ERC1: variants seen among roughly 807,000 people sequenced by gnomAD.
ERC1 encodes the protein ELKS/RAB6-interacting/CAST family member 1.
A neutral mutation model predicts 132.0 loss-of-function variants in ERC1; 56 were observed. The ratio of observed to expected loss-of-function variants is 0.42; its 90% CI spans 0.34 to 0.53. The LOEUF (loss-of-function observed/expected upper bound fraction) is 0.53. Ranked by LOEUF, ERC1 falls within the 20% of genes least tolerant of loss-of-function variation. The pLI, the probability that ERC1 is intolerant of heterozygous loss-of-function variation, is 0.03. For synonymous variants in ERC1, 478 were observed against 476.1 expected (o/e 1.00, Z -0.05); for missense variants, 1,202 against 1,349.9 (o/e 0.89, Z 1.72).
intron 17 of ERC1, among the ~76,000 whole-genome samples, chr12:1,414,193 T>C (rs12301852): frequency 0.13 from 19,494 of 152,184 alleles, 2,801 homozygotes; most frequent in African/African-American, 0.35. Flanking sequence ...TTCAGGGCCC[T>C]GGGGTTGGAG....
At chr12:1,317,168 GAAAA>G (rs139637325) in intron 15 of ERC1, among the ~76,000 whole-genome samples, 2 of 107,650 alleles carry the variant, frequency 1.9e-5, no homozygotes, top group Admixed American at 1.0e-4. Context: ...TCTCAAAAAC[GAAAA>G]AAAAAAAAAA....
chr12:1,050,522 G>T (rs1328212064), intron 2 of ERC1, among the ~76,000 whole-genome samples: 1 of 152,102 alleles, frequency 6.6e-6, no homozygotes, highest in African/African-American at 2.4e-5. Context: ...CTGGGGGAAG[G>T]CTCAGGAATC....
rs528266544 is a variant in ERC1, at chr12:1,250,204, T to C, written c.2488-12830T>C. ...TGAATATAACACGTTGTTTTCCTAA[T>C]GTATGCTCTTCTACTTCTGCAGAAT... On this transcript the variant is annotated intron_variant, in intron 13 of 18. Coordinates refer to ENST00000360905, the MANE Select transcript of ERC1 (RefSeq NM_178040.4). Among the ~76,000 whole-genome samples the C allele has an allele frequency of 2.0e-5, 3 of 152,352 alleles. No individual in the cohort carries two copies. In the East Asian group the frequency reaches 5.8e-4, roughly 29 times the overall value.
At chr12:1,442,799 T>C (rs2093193784) in intron 17 of ERC1, among the ~76,000 whole-genome samples, 1 of 152,250 alleles carries the variant, frequency 6.6e-6, no homozygotes, top group South Asian at 2.1e-4. Flanking sequence ...AAATAGATAA[T>C]GTATCAAGCA....
chr12:1,312,296 G>T (rs1362004811), intron 15 of ERC1, among the ~76,000 whole-genome samples: 10 of 152,192 alleles, frequency 6.6e-5, no homozygotes, highest in Admixed American at 6.5e-4. Context: ...GCCAGAGTCA[G>T]TCTGTTTGCT....
intron 2 of ERC1, among the ~76,000 whole-genome samples, chr12:1,062,310 C>T (rs1043657419): frequency 2.6e-5 from 4 of 151,776 alleles, no homozygotes; most frequent in South Asian, 2.1e-4. Flanking sequence ...AAAATGAAGA[C>T]GGGGTTTTGC....
At chr12:1,301,678 G>C (rs2080412892) in intron 15 of ERC1, among the ~76,000 whole-genome samples, 1 of 152,122 alleles carries the variant, frequency 6.6e-6, no homozygotes, top group Admixed American at 6.6e-5. Context: ...AGAGTGGAGG[G>C]TGGGAGAAGG....
intron 1 of ERC1, among the ~76,000 whole-genome samples, chr12:1,016,232 A>G (rs935618840): frequency 2.0e-5 from 3 of 152,198 alleles, no homozygotes; most frequent in African/African-American, 7.2e-5. Flanking sequence ...AATGGGTGGT[A>G]TATTACATTT....
intron 2 of ERC1, among the ~76,000 whole-genome samples, chr12:1,071,722 A>G (rs1481499840): frequency 6.6e-6 from 1 of 152,152 alleles, no homozygotes; most frequent in Non-Finnish European, 1.5e-5. Flanking sequence ...GCAGAAATTA[A>G]AAATTTTGAA....
rs113814089 is a variant in ERC1, at chr12:1,412,491, A to G, written c.3024+4244A>G. Among the ~76,000 whole-genome samples, 1,039 of 152,210 alleles carry G rather than the reference A, an allele frequency of 6.8e-3. 15 individuals are homozygous for G. Among genetic ancestry groups the G allele is most frequent in the African/African-American group, 0.024 (985 of 41,518 alleles). ...GTGTAGGCTTTGGAGCGGGATGCCT[A>G]TGTTCAGATTCTACCACCACCATGT... On this transcript the variant is annotated intron_variant, in intron 17 of 18. Transcript: ENST00000360905.
At chr12:1,108,147 T>C (rs1945461866) in intron 4 of ERC1, among the ~76,000 whole-genome samples, 1 of 152,192 alleles carries the variant, frequency 6.6e-6, no homozygotes, top group South Asian at 2.1e-4. Flanking sequence ...GGTAGGTTCT[T>C]CTTCTGGTCA....
intron 14 of ERC1, among the ~76,000 whole-genome samples, chr12:1,283,574 G>A (rs1376178796): frequency 6.6e-6 from 1 of 152,188 alleles, no homozygotes; most frequent in Non-Finnish European, 1.5e-5. Flanking sequence ...CAAATCAGAT[G>A]ATTGATTGGA....
intron 13 of ERC1, among the ~76,000 whole-genome samples, chr12:1,238,525 CTTGAA>C (rs2075579267): frequency 6.6e-6 from 1 of 152,102 alleles, no homozygotes; most frequent in Admixed American, 6.6e-5. Flanking sequence ...TGCTCACAAA[CTTGAA>C]TTGATGTCTT....
At chr12:992,706 C>T (rs1346340907) in intron 1 of ERC1, among the ~76,000 whole-genome samples, 1 of 152,238 alleles carries the variant, frequency 6.6e-6, no homozygotes, top group Admixed American at 6.5e-5. Context: ...TCAGAATCTT[C>T]TTTTCTGGAT....
chr12:1,190,575 C>A (rs568416479), intron 12 of ERC1, among the ~76,000 whole-genome samples: 1 of 152,134 alleles, frequency 6.6e-6, no homozygotes, highest in African/African-American at 2.4e-5. Flanking sequence ...TTAGGAGCCA[C>A]GGATATGTTT....
At chr12:1,404,142 G>C (rs1427955547) in intron 16 of ERC1, among the ~76,000 whole-genome samples, 1 of 152,174 alleles carries the variant, frequency 6.6e-6, no homozygotes, top group Admixed American at 6.5e-5. Flanking sequence ...GAGACCAGAA[G>C]TGCAAGATCA....
intron 8 of ERC1, among the ~76,000 whole-genome samples, chr12:1,168,609 C>T (rs758008757): frequency 5.9e-5 from 9 of 151,484 alleles, no homozygotes; most frequent in Non-Finnish European, 1.2e-4. Context: ...CTCAGCCTCC[C>T]GAGTAGCTGG....
Position 1,122,059 on chromosome 12 carries a change from ATCTCT to A in ERC1, c.1569+6027_1569+6031del, listed in dbSNP as rs1947397637. Among the ~76,000 whole-genome samples the A allele has an allele frequency of 1.0e-3, 2 of 1,918 alleles. 1 individual carries two copies. The highest frequency in any genetic ancestry group is 0.04 in the Non-Finnish European group (2 of 50). The allele number at this position is 1,918 out of a possible 152,430, so 1.3% of individuals were successfully genotyped here. Reference sequence around the variant, plus strand: ...TCTCTATCTCTATCTATCTATCTCTATCTCTATCTCTATATCTCTATCTCTATCTG... The same window carrying A: ...TCTCTATCTCTATCTATCTATCTCTAATCTCTATATCTCTATCTCTATCTG... On this transcript the variant is annotated intron_variant, in intron 7 of 18. Coordinates refer to ENST00000360905, the MANE Select transcript of ERC1 (RefSeq NM_178040.4).
In ERC1 at chr12:1,240,005, A is replaced by C. The variant is rs190478335; in HGVS notation, c.2487+3101A>C. Among the ~76,000 whole-genome samples, 3 of 152,334 alleles carry C rather than the reference A, an allele frequency of 2.0e-5. No individual in the cohort carries two copies. In the East Asian group the frequency reaches 5.8e-4, roughly 29 times the overall value. The stretch of plus-strand genomic sequence containing the variant: ...CCACATTTTGAAAAATCACTGCGCT[A>C]TAGCATCATGCGATATGAAAAATTA... On this transcript the variant is annotated intron_variant, in intron 13 of 18. Transcript: ENST00000360905.
Sources: gnomAD v4.1 joint callset for allele counts (sites outside exome capture counted in the v4.1 genomes callset) on GRCh38, gnomAD v4.1.1 for gene constraint, MANE v1.5 for transcripts, NCBI Gene and HGNC (gene_info 2026-07-23, HGNC 2026-07-21) for gene names.